Variants in ARAP3 observed in about 807,000 individuals in gnomAD.
The protein encoded by ARAP3 is ArfGAP with RhoGAP domain, ankyrin repeat and PH domain 3.
A neutral mutation model predicts 169.2 loss-of-function variants in ARAP3; 82 were observed. That is an observed-to-expected ratio of 0.48 (90% CI 0.41 to 0.58). ARAP3 has a LOEUF of 0.58. Ranked by LOEUF, ARAP3 falls within the 20% of genes least tolerant of loss-of-function variation. The pLI is 0.00. For missense variants in ARAP3, 1,764 were observed against 2,018.0 expected, an observed-to-expected ratio of 0.87 and a Z score of 2.41; for synonymous variants, 791 against 800.3, an observed-to-expected ratio of 0.99 and a Z score of 0.20.
At chr5:141,681,872 C>T (rs1027194851) in intron 1 of ARAP3, among the ~76,000 whole-genome samples, 1 of 152,046 alleles carries the variant, frequency 6.6e-6, no homozygotes, top group Non-Finnish European at 1.5e-5. Flanking sequence ...CGGGCCCTGA[C>T]TCAGGGCCCG....
intron 4 of ARAP3, 48 bp from the exon 5 acceptor site, chr5:141,673,856 G>C: frequency 6.3e-7 from 1 of 1,581,216 alleles, no homozygotes; most frequent in East Asian, 2.3e-5. Context: ...CAAGTACCCC[G>C]GACACCCTCT....
chr5:141,662,917 T>C (rs1430742224), intron 19 of ARAP3, among the ~76,000 whole-genome samples: 1 of 152,122 alleles, frequency 6.6e-6, no homozygotes, highest in Non-Finnish European at 1.5e-5. Flanking sequence ...TCAAACAATA[T>C]ATATAAAATA....
chr5:141,679,731 C>G, intron 3 of ARAP3, 30 bp downstream of exon 3: 1 of 1,614,122 alleles, frequency 6.2e-7, no homozygotes, highest in Non-Finnish European at 8.5e-7. Flanking sequence ...GGCACTATCC[C>G]TCTCCCCCAA....
chr5:141,676,277 G>A (rs1339535503), intron 4 of ARAP3, among the ~76,000 whole-genome samples: 2 of 151,174 alleles, frequency 1.3e-5, no homozygotes, highest in Non-Finnish European at 3.0e-5. Flanking sequence ...GAACCCAGGA[G>A]GCAGAGGTTG....
intron 4 of ARAP3, among the ~76,000 whole-genome samples, chr5:141,675,595 C>T (rs1320071835): frequency 6.6e-6 from 1 of 151,642 alleles, no homozygotes; most frequent in African/African-American, 2.4e-5. Flanking sequence ...TGCTGGCGGG[C>T]GCCTGTAATT....
At chr5:141,665,845 AC>A in intron 17 of ARAP3, among the ~76,000 whole-genome samples, 1 of 152,164 alleles carries the variant, frequency 6.6e-6, no homozygotes, top group East Asian at 1.9e-4. Flanking sequence ...AGCCTGGCCA[AC>A]ATGGTGAAAC....
rs765238999 is a variant in ARAP3 at position 141,679,804 on chromosome 5, T to C, written c.543A>G (p.Gln181=). The part of the protein sequence containing the change: ...AAQDKAPDSS[Q]ISAPTPALRP... ...TGAGGGCAGGGGTGGGGGCAGAGAT[T>C]TGGGAGCTGTCTGGGGCCCTGAAGG... The change falls in exon 3 of 33, where the codon CAA becomes CAG. Residue 181 remains glutamine (Q), a synonymous_variant. Transcript: ENST00000239440. The C allele has an allele frequency of 1.2e-5, 20 of 1,612,892 alleles. No individual in the cohort carries two copies. Among genetic ancestry groups the C allele is most frequent in the Non-Finnish European group, 1.6e-5 (19 of 1,179,668 alleles).
In ARAP3 at chr5:141,654,086, G is replaced by A; in HGVS notation, c.4499C>T (p.Thr1500Ile). 4 of 1,610,560 alleles carry A rather than the reference G, an allele frequency of 2.5e-6. No individual in the cohort carries two copies. Among genetic ancestry groups the A allele is most frequent in the Non-Finnish European group, 3.4e-6 (4 of 1,178,008 alleles). Residue 1500 changes from threonine (T) to isoleucine (I), a missense_variant, in exon 33 of 33, where the codon ACT (threonine) becomes ATT (isoleucine). Thr to Ile is a moderately conservative substitution (Grantham distance 89, BLOSUM62 -1). Transcript: ENST00000239440. ...SSLILRKGET[T>I]AGLGSPSQPS... ...CTGGGAAGGACTTCCCAGGCCTGCA[G>A]TGGTCTCTCCTTTCCTCAGGATGAG... is the stretch of plus-strand genomic sequence containing the variant.
intron 25 of ARAP3, 65 bp from the exon 26 acceptor site, chr5:141,656,911 C>T: frequency 6.5e-7 from 1 of 1,538,706 alleles, no homozygotes; most frequent in Non-Finnish European, 8.8e-7. Context: ...CCAGCTCTCA[C>T]CAGTCATTCA....
At chr5:141,655,265 G>T in intron 32 of ARAP3, 97 bp downstream of exon 32, 1 of 1,057,788 alleles carries the variant, frequency 9.5e-7, no homozygotes, top group Non-Finnish European at 1.3e-6. Context: ...CACACCCCCT[G>T]ATGGCCTACA....
rs1596472197 is a variant in ARAP3, at chr5:141,653,780, G to A, written c.*170C>T. 2.3e-6 allele frequency: 2 copies of A among 871,598 alleles called. No homozygotes were observed. The highest frequency in any genetic ancestry group is 5.6e-5 in the East Asian group (2 of 35,408). 54.0% of individuals were successfully genotyped at this position (871,598 alleles called of 1,614,324 possible). A position where few individuals can be genotyped will look rare whatever the true frequency, so the allele number is the denominator to read the frequency against. On this transcript the variant is annotated 3_prime_UTR_variant, in exon 33 of 33. Transcript: ENST00000239440. Reference sequence around the variant, plus strand: ...TGGGCTGGGCCCAGAGAGGGGCCATGACCTGTCCTGGGACACGCAGCCACT... The same window carrying A: ...TGGGCTGGGCCCAGAGAGGGGCCATAACCTGTCCTGGGACACGCAGCCACT...
chr5:141,673,108 G>A lies in ARAP3; in HGVS notation c.998C>T (p.Pro333Leu). The change falls in exon 7 of 33, where the codon CCT becomes CTT. Residue 333 changes from proline to leucine, a missense_variant. Coordinates refer to ENST00000239440, the MANE Select transcript of ARAP3 (RefSeq NM_022481.6). ...GCGGGTCATCTCAATGGCAGTCAAA[G>A]GTATCACACCCTTAGGGAAGGGGTC... ...DKDPFPKGVI[P>L]LTAIEMTRSS... 1 of 1,614,160 alleles carries A rather than the reference G, an allele frequency of 6.2e-7. No homozygotes were observed. Among genetic ancestry groups the A allele is most frequent in the Non-Finnish European group, 8.5e-7 (1 of 1,180,018 alleles).
At position 141,661,773 on chromosome 5, in the gene ARAP3, A is replaced by T. The variant is rs1433471539; in HGVS notation, c.3030T>A (p.Asn1010Lys). The T allele has an allele frequency of 6.2e-7, 1 of 1,614,096 alleles. No individual in the cohort carries two copies. The highest frequency in any genetic ancestry group is 8.5e-7 in the Non-Finnish European group (1 of 1,180,052). The change falls in exon 21 of 33, where the codon AAT (asparagine) becomes AAA (lysine). Residue 1010 changes from asparagine (N) to lysine (K), a missense_variant. Physicochemically the swap from Asn to Lys is moderately conservative, Grantham distance 94. Transcript: ENST00000239440. ...WREAAELPQK[N>K]QRLEKYKDVI... Reference sequence around the variant, plus strand: ...CATCTTTATATTTCTCCAGGCGCTGATTCTTCTGGGGCAGCTCTGGGGATG... The same window carrying T: ...CATCTTTATATTTCTCCAGGCGCTGTTTCTTCTGGGGCAGCTCTGGGGATG...
chr5:141,661,512 C>T (rs1203551308), intron 21 of ARAP3, among the ~76,000 whole-genome samples, 172 bp downstream of exon 21: 1 of 152,196 alleles, frequency 6.6e-6, no homozygotes, highest in Non-Finnish European at 1.5e-5. Context: ...CAGATTAAAG[C>T]CTAGGTCTGC....
chr5:141,659,985 G>A, intron 21 of ARAP3, 59 bp from the exon 22 acceptor site: 3 of 1,512,220 alleles, frequency 2.0e-6, no homozygotes, highest in South Asian at 1.2e-5. Context: ...AACACTTATT[G>A]AGTCCCTATT....
At chr5:141,659,951 A>C in intron 21 of ARAP3, 25 bp from the exon 22 acceptor site, 1 of 1,538,658 alleles carries the variant, frequency 6.5e-7, no homozygotes, top group Non-Finnish European at 8.8e-7. Context: ...CACGGTCTTC[A>C]TCAGTGTAGC....
rs1470815982 is a variant in ARAP3 at position 141,659,910 on chromosome 5, C to T, written c.3136G>A (p.Ala1046Thr). 1.9e-6 allele frequency: 3 copies of T among 1,568,946 alleles called. No homozygotes were observed. The highest frequency in any genetic ancestry group is 2.6e-6 in the Non-Finnish European group (3 of 1,155,970). The change falls in exon 22 of 33, where the codon GCT becomes ACT. Residue 1046 changes from alanine (A) to threonine (T), a missense_variant. By Grantham distance (58) the Ala-to-Thr change is moderately conservative. Transcript: ENST00000239440. The part of the protein sequence containing the change: ...GHLYRVQKCA[A>T]LNQMCTRNLA... ...TTCCGCGTGCACATCTGGTTTAGAG[C>T]CGCACATTTCTGCACCCTGCAGAGG...
intron 19 of ARAP3, among the ~76,000 whole-genome samples, chr5:141,663,598 T>C (rs1220414771): frequency 1.3e-5 from 2 of 152,236 alleles, no homozygotes; most frequent in African/African-American, 4.8e-5. Flanking sequence ...CCCATATTCT[T>C]TCTTCAGGGC....
intron 32 of ARAP3, among the ~76,000 whole-genome samples, chr5:141,654,817 G>T (rs868701456): frequency 2.3e-4 from 34 of 150,280 alleles, no homozygotes; most frequent in Middle Eastern, 6.8e-3. Flanking sequence ...TTGGCTCACT[G>T]CAACCTCCGC....
Sources: allele counts gnomAD v4.1 joint callset (sites outside exome capture counted in the v4.1 genomes callset), GRCh38; gene constraint gnomAD v4.1.1; transcripts MANE v1.5; gene names NCBI Gene and HGNC (gene_info 2026-07-23, HGNC 2026-07-21).